The following WWOX variants were observed in gnomAD, a reference collection of about 807,000 sequenced individuals.
The protein encoded by WWOX is WW domain containing oxidoreductase.
In WWOX, 69 loss-of-function variants were observed where a neutral mutation model predicts 46.2. That is an observed-to-expected ratio of 1.49 (90% CI 1.23 to 1.82). The LOEUF is 1.82. Ranked by LOEUF, WWOX falls within the 40% of genes most tolerant of loss-of-function variation. The pLI is 0.00. For missense variants in WWOX, 919 were observed against 542.6 expected (o/e 1.69, Z -6.89); for synonymous variants, 359 against 202.6 (o/e 1.77, Z -6.56).
chr16:78,107,915 C>T (rs759180746), intron 1 of WWOX, among the ~76,000 whole-genome samples: 3 of 151,962 alleles, frequency 2.0e-5, no homozygotes, highest in Non-Finnish European at 2.9e-5. Flanking sequence ...CAGCAAAATG[C>T]CTCTAGATTT....
At chr16:78,685,081 G>A (rs1221029973) in intron 8 of WWOX, among the ~76,000 whole-genome samples, 4 of 152,134 alleles carry the variant, frequency 2.6e-5, no homozygotes, top group Non-Finnish European at 5.9e-5. Flanking sequence ...CACCCTCTGA[G>A]ATCTTGCTTT....
chr16:78,626,314 C>A (rs1476952710), intron 8 of WWOX, among the ~76,000 whole-genome samples: 3 of 151,996 alleles, frequency 2.0e-5, no homozygotes, highest in Non-Finnish European at 4.4e-5. Context: ...CAGGATACCA[C>A]ATTTTATTTA....
chr16:79,085,906 G>A (rs1389057009), intron 8 of WWOX, among the ~76,000 whole-genome samples: 1 of 152,000 alleles, frequency 6.6e-6, no homozygotes, highest in South Asian at 2.1e-4. Flanking sequence ...AAAAAAATTA[G>A]CCAGGCTTGG....
chr16:78,853,117 G>T (rs148358441), intron 8 of WWOX, among the ~76,000 whole-genome samples: 1 of 152,144 alleles, frequency 6.6e-6, no homozygotes, highest in Admixed American at 6.5e-5. Flanking sequence ...TTAATTTGTT[G>T]CATAACAATA....
chr16:78,627,832 C>T (rs1457129377), intron 8 of WWOX, among the ~76,000 whole-genome samples: 2 of 152,176 alleles, frequency 1.3e-5, no homozygotes, highest in Non-Finnish European at 2.9e-5. Flanking sequence ...CAAGATGATG[C>T]CGACTTAGAC....
At chr16:78,110,678 A>G (rs1360104198) in intron 3 of WWOX, among the ~76,000 whole-genome samples, 4 of 152,176 alleles carry the variant, frequency 2.6e-5, no homozygotes, top group Non-Finnish European at 5.9e-5. Flanking sequence ...AACATATAGC[A>G]TGAGCCAGGC....
At chr16:79,083,581 A>G (rs923312771) in intron 8 of WWOX, among the ~76,000 whole-genome samples, 1 of 152,194 alleles carries the variant, frequency 6.6e-6, no homozygotes, top group Non-Finnish European at 1.5e-5. Context: ...ATGCACGCGT[A>G]TGGCTGCAAC....
At chr16:79,127,844 T>G (rs1243446367) in intron 8 of WWOX, among the ~76,000 whole-genome samples, 1 of 152,156 alleles carries the variant, frequency 6.6e-6, no homozygotes, top group Non-Finnish European at 1.5e-5. Flanking sequence ...TCTCAAAATG[T>G]GCTTTAAGGA....
At chr16:78,768,459 G>C (rs1052086067) in intron 8 of WWOX, among the ~76,000 whole-genome samples, 1 of 151,748 alleles carries the variant, frequency 6.6e-6, no homozygotes, top group Non-Finnish European at 1.5e-5. Flanking sequence ...GTGTGGTGGC[G>C]CACGCCTGTA....
At chr16:78,396,603 A>T (rs1182356746) in intron 6 of WWOX, among the ~76,000 whole-genome samples, 2 of 152,186 alleles carry the variant, frequency 1.3e-5, no homozygotes, top group African/African-American at 2.4e-5. Flanking sequence ...ATGCAAGGTG[A>T]TGTCCTTCCT....
chr16:79,027,838 C>T (rs553748685), intron 8 of WWOX, among the ~76,000 whole-genome samples: 4 of 151,870 alleles, frequency 2.6e-5, no homozygotes, highest in Non-Finnish European at 2.9e-5. Flanking sequence ...CTTCTAAAGA[C>T]CCCTGAACAT....
chr16:78,920,269 C>G (rs1214038499), intron 8 of WWOX, among the ~76,000 whole-genome samples: 1 of 152,198 alleles, frequency 6.6e-6, no homozygotes, highest in Non-Finnish European at 1.5e-5. Context: ...TTTCACTGGC[C>G]AAACACAGTG....
At chr16:78,868,983 G>A (rs2044067818) in intron 8 of WWOX, among the ~76,000 whole-genome samples, 2 of 151,924 alleles carry the variant, frequency 1.3e-5, no homozygotes, top group African/African-American at 4.8e-5. Context: ...ACACACACAT[G>A]CATGCGATCT....
At chr16:78,997,036 G>C (rs62038661) in intron 8 of WWOX, among the ~76,000 whole-genome samples, 2,650 of 152,324 alleles carry the variant, frequency 0.017, 50 homozygotes, top group Non-Finnish European at 0.028. Flanking sequence ...GCTGATAGTT[G>C]ATAGTGCTGC....
At chr16:78,419,413 A>C (rs949062126) in intron 6 of WWOX, among the ~76,000 whole-genome samples, 4 of 152,136 alleles carry the variant, frequency 2.6e-5, no homozygotes, top group African/African-American at 9.7e-5. Context: ...TAATAAAGAC[A>C]GTGTCATATT....
chr16:78,519,424 A>G (rs1048037154), intron 8 of WWOX, among the ~76,000 whole-genome samples: 3 of 152,066 alleles, frequency 2.0e-5, no homozygotes, highest in Non-Finnish European at 1.5e-5. Context: ...ATGGAAGGTA[A>G]AACATGTTAA....
At chr16:78,619,780 A>C (rs1198120832) in intron 8 of WWOX, among the ~76,000 whole-genome samples, 1 of 151,952 alleles carries the variant, frequency 6.6e-6, no homozygotes, top group African/African-American at 2.4e-5. Flanking sequence ...ATGGGGGTGC[A>C]TGTCTGTGGT....
At chr16:78,964,158 AAG>A (rs546932735) in intron 8 of WWOX, among the ~76,000 whole-genome samples, 167 of 152,292 alleles carry the variant, frequency 1.1e-3, no homozygotes, top group African/African-American at 3.7e-3. Context: ...CATTGCTGAA[AAG>A]ATATCTGAAA....
chr16:78,196,194 C>G (rs931777099), intron 5 of WWOX, among the ~76,000 whole-genome samples: 3 of 152,164 alleles, frequency 2.0e-5, no homozygotes, highest in African/African-American at 7.2e-5. Context: ...TACCTTTTAG[C>G]CATATCTACA....
Sources: gnomAD v4.1 joint callset for allele counts (sites outside exome capture counted in the v4.1 genomes callset) on GRCh38, gnomAD v4.1.1 for gene constraint, MANE v1.5 for transcripts, NCBI Gene and HGNC (gene_info 2026-07-23, HGNC 2026-07-21) for gene names.